The following NRXN3 variants were observed in gnomAD, a reference collection of about 807,000 sequenced individuals.
NRXN3 encodes the protein neurexin 3.
In NRXN3, 32 loss-of-function variants were observed where a neutral mutation model predicts 137.6. The ratio of observed to expected loss-of-function variants is 0.23; its 90% CI spans 0.18 to 0.31. The LOEUF is 0.31. NRXN3 is among the 10% of genes least tolerant of loss of function. The probability of loss-of-function intolerance (pLI) is 1.00; values close to 1 mark genes in which losing one functional copy is unlikely to be tolerated. For missense variants in NRXN3, 1,574 were observed against 2,062.5 expected (o/e 0.76, Z 4.59); for synonymous variants, 798 against 784.5 (o/e 1.02, Z -0.29).
intron 4 of NRXN3, among the ~76,000 whole-genome samples, chr14:78,359,157 A>G (rs2084750824): frequency 6.6e-6 from 1 of 152,182 alleles, no homozygotes; most frequent in Admixed American, 6.5e-5. Context: ...AATGATTTTC[A>G]AAGCTGATAT....
At chr14:79,217,142 AAAG>A (rs1043280156) in intron 15 of NRXN3, among the ~76,000 whole-genome samples, 5 of 35,466 alleles carry the variant, frequency 1.4e-4, no homozygotes, top group African/African-American at 4.7e-4. Context: ...GTCTCAAAAA[AAAG>A]AAAGAAAGAA....
rs111488902 is a variant in NRXN3 at position 78,958,340 on chromosome 14, A to G, written c.2395+979A>G. 5.9e-3 allele frequency among the ~76,000 whole-genome samples: 888 copies of G among 151,436 alleles called. 9 individuals are homozygous for G. Among genetic ancestry groups the G allele is most frequent in the Middle Eastern group, 0.014 (4 of 292 alleles). ...ATCATCAAGTGCCATTTTACATGCTATATCTTTTTTTTCTTTCTTTCTTTT... is the reference window on the plus strand; with the variant it reads ...ATCATCAAGTGCCATTTTACATGCTGTATCTTTTTTTTCTTTCTTTCTTTT... On this transcript the variant is annotated intron_variant, in intron 11 of 20. Coordinates refer to ENST00000335750, the MANE Select transcript of NRXN3 (RefSeq NM_001330195.2).
chr14:78,563,541 G>A (rs1324586953), intron 4 of NRXN3, among the ~76,000 whole-genome samples: 2 of 152,178 alleles, frequency 1.3e-5, no homozygotes, highest in Non-Finnish European at 2.9e-5. Context: ...TCAATGGGCA[G>A]GGCTTGCTGG....
At chr14:78,371,585 G>A (rs1298450183) in intron 4 of NRXN3, among the ~76,000 whole-genome samples, 6 of 152,202 alleles carry the variant, frequency 3.9e-5, no homozygotes, top group Non-Finnish European at 7.3e-5. Context: ...GGACAGCAAA[G>A]CTAAAAGAGC....
chr14:78,758,475 TTCC>T (rs1036576859), intron 8 of NRXN3, among the ~76,000 whole-genome samples: 15 of 152,118 alleles, frequency 9.9e-5, no homozygotes, highest in Non-Finnish European at 1.9e-4. Context: ...AGACAAAGCT[TTCC>T]TATGAAAAAA....
intron 4 of NRXN3, among the ~76,000 whole-genome samples, chr14:78,444,990 A>G (rs1316754105): frequency 6.6e-6 from 1 of 152,036 alleles, no homozygotes; most frequent in African/African-American, 2.4e-5. Context: ...AAGATATTTA[A>G]TACAAGGCAG....
chr14:78,977,819 C>T (rs546157047), intron 14 of NRXN3, among the ~76,000 whole-genome samples: 2 of 152,282 alleles, frequency 1.3e-5, no homozygotes, highest in South Asian at 2.1e-4. Context: ...AGCCAGTTTA[C>T]ATGAGGCAAC....
chr14:79,315,122 C>G (rs932275574), intron 15 of NRXN3, among the ~76,000 whole-genome samples: 1 of 152,112 alleles, frequency 6.6e-6, no homozygotes, highest in African/African-American at 2.4e-5. Flanking sequence ...CTTCTTTTAT[C>G]CTGTAATGTG....
intron 19 of NRXN3, among the ~76,000 whole-genome samples, chr14:79,731,154 C>T (rs1176093265): frequency 6.6e-6 from 1 of 152,086 alleles, no homozygotes; most frequent in African/African-American, 2.4e-5. Context: ...CAGGGTAGAT[C>T]GAATGAACAC....
chr14:78,811,082 A>G (rs1204897339), intron 10 of NRXN3, among the ~76,000 whole-genome samples: 2 of 152,228 alleles, frequency 1.3e-5, no homozygotes, highest in African/African-American at 4.8e-5. Flanking sequence ...AATAGGCACA[A>G]GAGAAAGAAT....
intron 16 of NRXN3, among the ~76,000 whole-genome samples, chr14:79,572,243 G>C (rs889494950): frequency 6.6e-6 from 1 of 152,014 alleles, no homozygotes. Flanking sequence ...TGAATGCTTT[G>C]AGACAATCCT....
At chr14:79,681,113 G>A (rs1045779928) in intron 17 of NRXN3, among the ~76,000 whole-genome samples, 34 of 152,190 alleles carry the variant, frequency 2.2e-4, no homozygotes, top group African/African-American at 6.7e-4. Flanking sequence ...TCTTTCCTTA[G>A]AAAGAGGAAC....
chr14:78,529,535 G>A (rs2096431050), intron 4 of NRXN3, among the ~76,000 whole-genome samples: 3 of 152,078 alleles, frequency 2.0e-5, no homozygotes, highest in African/African-American at 7.2e-5. Flanking sequence ...ACCCCAATAT[G>A]GCATCATCCT....
Position 79,663,927 on chromosome 14 carries a change from A to G in NRXN3, c.3594A>G (p.Pro1198=), listed in dbSNP as rs149773511. The G allele has an allele frequency of 2.2e-5, 36 of 1,613,520 alleles. No individual in the cohort carries two copies. The African/African-American group carries it at 3.1e-4, about 14-fold the overall frequency. The change falls in exon 17 of 21, where the codon CCA becomes CCG. Residue 1198 remains proline (P), a synonymous_variant. Coordinates refer to ENST00000335750, the MANE Select transcript of NRXN3 (RefSeq NM_001330195.2). ...CCACCCTGCAGGTGGACAACTGGCC[A>G]GTGAATGAACATTATCCTACAGGTA... ...GNATLQVDNW[P]VNEHYPTGNT... is the part of the protein sequence containing the mutation.
chr14:79,239,692 A>G (rs2073966880), intron 15 of NRXN3, among the ~76,000 whole-genome samples: 1 of 152,192 alleles, frequency 6.6e-6, no homozygotes, highest in Admixed American at 6.5e-5. Flanking sequence ...TCTAAATGAT[A>G]TCTGCACTCT....
At chr14:79,182,470 A>G (rs1478118667) in intron 15 of NRXN3, among the ~76,000 whole-genome samples, 1 of 151,916 alleles carries the variant, frequency 6.6e-6, no homozygotes, top group African/African-American at 2.4e-5. Context: ...GGAACGTGCA[A>G]CCTAGATCCC....
chr14:79,604,359 C>T (rs1039198863), intron 16 of NRXN3, among the ~76,000 whole-genome samples: 7 of 151,776 alleles, frequency 4.6e-5, no homozygotes, highest in Non-Finnish European at 8.8e-5. Context: ...CTTAGCCTCC[C>T]GAGTAGCTGG....
chr14:79,252,767 A>G (rs1200936069), intron 15 of NRXN3, among the ~76,000 whole-genome samples: 1 of 152,110 alleles, frequency 6.6e-6, no homozygotes, highest in African/African-American at 2.4e-5. Context: ...CAGCAACACA[A>G]TTTTTCCACT....
intron 15 of NRXN3, among the ~76,000 whole-genome samples, chr14:79,131,565 C>A (rs962681863): frequency 1.3e-5 from 2 of 152,198 alleles, no homozygotes; most frequent in African/African-American, 2.4e-5. Context: ...GCTGGGAGAA[C>A]CACTGCTCTC....
Sources: gnomAD v4.1 joint callset for allele counts (sites outside exome capture counted in the v4.1 genomes callset) on GRCh38, gnomAD v4.1.1 for gene constraint, MANE v1.5 for transcripts, NCBI Gene and HGNC (gene_info 2026-07-23, HGNC 2026-07-21) for gene names.